Variants in TNFRSF10D observed in about 807,000 individuals in gnomAD.
TNFRSF10D encodes TNF receptor superfamily member 10d, also known as tumor necrosis factor receptor superfamily member 10D.
TNFRSF10D carries 28 observed loss-of-function variants against 42.1 expected under a neutral mutation model. The ratio of observed to expected loss-of-function variants is 0.66; its 90% CI spans 0.49 to 0.91. TNFRSF10D has a LOEUF of 0.91. Ranked by LOEUF, TNFRSF10D falls within the 40% of genes least tolerant of loss-of-function variation. TNFRSF10D has a pLI of 0.00. For synonymous variants in TNFRSF10D, 186 were observed against 189.4 expected, an observed-to-expected ratio of 0.98 and a Z score of 0.15; for missense variants, 503 against 486.1, an observed-to-expected ratio of 1.03 and a Z score of -0.33.
At chr8:23,150,068 A>G (rs1390164120) in intron 2 of TNFRSF10D, among the ~76,000 whole-genome samples, 1 of 152,214 alleles carries the variant, frequency 6.6e-6, no homozygotes, top group Non-Finnish European at 1.5e-5. Flanking sequence ...TGATAAAGGC[A>G]TGATAAGCTA....
At chr8:23,152,407 AT>A (rs1800223322) in intron 2 of TNFRSF10D, among the ~76,000 whole-genome samples, 3 of 152,226 alleles carry the variant, frequency 2.0e-5, no homozygotes, top group Non-Finnish European at 4.4e-5. Flanking sequence ...TCCCACAGGG[AT>A]TGTGGAAGAC....
intron 3 of TNFRSF10D, among the ~76,000 whole-genome samples, chr8:23,147,338 G>A (rs567879186): frequency 6.6e-6 from 1 of 152,226 alleles, no homozygotes; most frequent in Non-Finnish European, 1.5e-5. Flanking sequence ...CAAGGGAGGC[G>A]CAAGGGCATC....
At position 23,163,813 on chromosome 8, in the gene TNFRSF10D, GACGAACTT is replaced by G; in HGVS notation, c.115_122del (p.Lys39ArgfsTer13). On this transcript the variant is annotated frameshift_variant, in exon 1 of 9. Coordinates refer to ENST00000312584, the MANE Select transcript of TNFRSF10D (RefSeq NM_003840.5). LOFTEE classifies it high-confidence loss of function. ...GCAGCAGAACCGCGACGATGAAGAC[GACGAACTT>G]AAGGATCTTGGGGTCCAGGAGCCAT... is the stretch of plus-strand genomic sequence containing the variant. The G allele has an allele frequency of 6.2e-7, 1 of 1,609,584 alleles. No homozygotes were observed. The highest frequency in any genetic ancestry group is 1.3e-5 in the African/African-American group (1 of 74,718).
chr8:23,160,755 G>A (rs1366901727), intron 1 of TNFRSF10D, among the ~76,000 whole-genome samples: 682 of 151,836 alleles, frequency 4.5e-3, no homozygotes, highest in African/African-American at 0.014. Flanking sequence ...CCAGAACTGG[G>A]ACCGTGGCCT....
intron 7 of TNFRSF10D, among the ~76,000 whole-genome samples, chr8:23,142,670 T>C (rs4242391): frequency 0.56 from 84,483 of 151,882 alleles, 24,793 homozygotes; most frequent in East Asian, 0.89. Context: ...CTGGATAAAA[T>C]CATTCATACC....
Position 23,137,685 on chromosome 8 carries a change from C to A in TNFRSF10D, c.*185G>T, listed in dbSNP as rs1814358514. Reference sequence around the variant, plus strand: ...ATTTCTCCCGTTTGCTTATCACACGCAGTATTTCATAAAAATTACTCCAAG... The same window carrying A: ...ATTTCTCCCGTTTGCTTATCACACGAAGTATTTCATAAAAATTACTCCAAG... On this transcript the variant is annotated 3_prime_UTR_variant, in exon 9 of 9. Transcript: ENST00000312584. 3 of 649,622 alleles carry A rather than the reference C, an allele frequency of 4.6e-6. No homozygotes were observed. Among genetic ancestry groups the A allele is most frequent in the Non-Finnish European group, 7.5e-6 (3 of 401,686 alleles). 40.2% of individuals were successfully genotyped at this position (649,622 alleles called of 1,614,324 possible). A position where few individuals can be genotyped will look rare whatever the true frequency, so the allele number is the denominator to read the frequency against.
At chr8:23,142,224 T>C (rs933450985) in intron 7 of TNFRSF10D, among the ~76,000 whole-genome samples, 16 of 152,048 alleles carry the variant, frequency 1.1e-4, no homozygotes, top group African/African-American at 3.9e-4. Flanking sequence ...TGAGCCGAGA[T>C]TGTGCCACTG....
chr8:23,147,578 C>A (rs1435361840), intron 3 of TNFRSF10D, among the ~76,000 whole-genome samples: 2 of 152,224 alleles, frequency 1.3e-5, no homozygotes, highest in African/African-American at 4.8e-5. Flanking sequence ...ATGATGCCCC[C>A]ACCCGGCTGC....
chr8:23,143,881 ATG>A (rs1192869667), intron 7 of TNFRSF10D, among the ~76,000 whole-genome samples: 3 of 152,298 alleles, frequency 2.0e-5, no homozygotes, highest in South Asian at 4.1e-4. Flanking sequence ...AAAAAAACAA[ATG>A]TGTGTCCAGA....
rs114056840 is a variant in TNFRSF10D, at chr8:23,146,118, G to A, written c.483-197C>T. Among the ~76,000 whole-genome samples, 273 of 152,322 alleles carry A rather than the reference G, an allele frequency of 1.8e-3. 1 individual carries two copies. The highest frequency in any genetic ancestry group is 6.2e-3 in the African/African-American group (258 of 41,570). ...TGAGCATGCACACTTCAGCCCCTCG[G>A]CCTCCCTGCTCTGGGGTCAGAGCTG... On this transcript the variant is annotated intron_variant, in intron 4 of 8. Transcript: ENST00000312584.
intron 1 of TNFRSF10D, among the ~76,000 whole-genome samples, chr8:23,163,452 C>T (rs1197113851): frequency 6.6e-6 from 1 of 152,116 alleles, no homozygotes; most frequent in Non-Finnish European, 1.5e-5. Flanking sequence ...AAAGAGGCAA[C>T]CGCTCTGTGG....
At chr8:23,152,428 AAAG>A (rs1332814163) in intron 2 of TNFRSF10D, among the ~76,000 whole-genome samples, 1 of 152,224 alleles carries the variant, frequency 6.6e-6, no homozygotes, top group East Asian at 1.9e-4. Flanking sequence ...CAACACCTGC[AAAG>A]AAGGTTCACA....
chr8:23,139,395 G>A (rs758278907), intron 7 of TNFRSF10D, among the ~76,000 whole-genome samples: 7 of 152,054 alleles, frequency 4.6e-5, no homozygotes, highest in African/African-American at 9.7e-5. Context: ...GAGGTTTTTC[G>A]GGAGGGAAGG....
chr8:23,150,218 A>G (rs1409856149), intron 2 of TNFRSF10D, among the ~76,000 whole-genome samples: 2 of 152,108 alleles, frequency 1.3e-5, no homozygotes, highest in Admixed American at 1.3e-4. Flanking sequence ...TTCCCTGTGG[A>G]CCCAAGGATG....
At chr8:23,141,453 T>C (rs1167857972) in intron 7 of TNFRSF10D, among the ~76,000 whole-genome samples, 396 of 149,484 alleles carry the variant, frequency 2.6e-3, no homozygotes, top group African/African-American at 8.4e-3. Context: ...TGCAGTGAGC[T>C]GAGATCATGC....
intron 3 of TNFRSF10D, 81 bp from the exon 4 acceptor site, chr8:23,147,153 A>T: frequency 3.5e-6 from 4 of 1,130,798 alleles, no homozygotes; most frequent in Non-Finnish European, 5.3e-6. Context: ...ATCCCCTCCC[A>T]CTCAGCTCAA....
chr8:23,160,929 GA>G (rs776360322), intron 1 of TNFRSF10D, among the ~76,000 whole-genome samples: 845 of 152,114 alleles, frequency 5.6e-3, no homozygotes, highest in African/African-American at 0.017. Context: ...GTCCTCACTT[GA>G]ACTCTGGCTC....
chr8:23,148,476 TTG>T lies in TNFRSF10D; in HGVS notation c.330_331del (p.Asn110LysfsTer12). On this transcript the variant is annotated frameshift_variant, in exon 3 of 9. Coordinates refer to ENST00000312584, the MANE Select transcript of TNFRSF10D (RefSeq NM_003840.5). LOFTEE classifies it high-confidence loss of function. ...TGTACATAGCAGGCAAGAAGGCAAA[TTG>T]TTGGAAGCAATGGTGTAATCCACAC... The T allele has an allele frequency of 6.2e-7, 1 of 1,610,348 alleles. No individual in the cohort carries two copies. The highest frequency in any genetic ancestry group is 8.5e-7 in the Non-Finnish European group (1 of 1,177,678).
chr8:23,145,445 TCC>T lies in TNFRSF10D; in HGVS notation c.736+221_736+222del, dbSNP rs371263108. Among the ~76,000 whole-genome samples the T allele has an allele frequency of 8.7e-4, 133 of 152,156 alleles. No homozygotes were observed. The South Asian group carries it at 0.014, about 16-fold the overall frequency. ...CTGGCCCTGCCCTCCTGGAGTTGGCTCCGGGAGATGAGGGGTCCCCCAGCCCT... is the reference window on the plus strand; with the variant it reads ...CTGGCCCTGCCCTCCTGGAGTTGGCTGGGAGATGAGGGGTCCCCCAGCCCT... On this transcript the variant is annotated intron_variant, in intron 5 of 8. Transcript: ENST00000312584.
Sources: gnomAD v4.1 joint callset for allele counts (sites outside exome capture counted in the v4.1 genomes callset) on GRCh38, gnomAD v4.1.1 for gene constraint, MANE v1.5 for transcripts, NCBI Gene and HGNC (gene_info 2026-07-23, HGNC 2026-07-21) for gene names.